DLGAP2: variants seen among roughly 807,000 people sequenced by gnomAD.
The protein encoded by DLGAP2 is DLG associated protein 2, also known as disks large-associated protein 2.
In DLGAP2, 26 loss-of-function variants were observed where a neutral mutation model predicts 100.3. The observed-to-expected ratio is 0.26, with a 90% CI of 0.19 to 0.36. The LOEUF is 0.36. DLGAP2 is among the 10% of genes least tolerant of loss of function. The probability of loss-of-function intolerance (pLI) is 1.00; values close to 1 mark genes in which losing one functional copy is unlikely to be tolerated. For synonymous variants in DLGAP2, 886 were observed against 630.1 expected, an observed-to-expected ratio of 1.41 and a Z score of -6.08; for missense variants, 1,858 against 1,453.2, an observed-to-expected ratio of 1.28 and a Z score of -4.53.
chr8:906,109 G>T (rs529288076), intron 1 of DLGAP2, among the ~76,000 whole-genome samples: 1 of 152,236 alleles, frequency 6.6e-6, no homozygotes, highest in Non-Finnish European at 1.5e-5. Flanking sequence ...TTACCTATGG[G>T]CAGCCCCTCC....
chr8:1,353,114 A>G (rs1427244732), intron 3 of DLGAP2, among the ~76,000 whole-genome samples: 2 of 152,176 alleles, frequency 1.3e-5, no homozygotes, highest in African/African-American at 4.8e-5. Context: ...GATCTGGAGG[A>G]GTTTGCAAAT....
intron 1 of DLGAP2, among the ~76,000 whole-genome samples, chr8:744,548 C>T (rs1820568011): frequency 6.7e-6 from 1 of 149,638 alleles, no homozygotes; most frequent in African/African-American, 2.5e-5. Flanking sequence ...CCTGCCTCTT[C>T]TCCGGCCACG....
At position 1,232,254 on chromosome 8, in the gene DLGAP2, G is replaced by T. The variant is rs377619179; in HGVS notation, c.74-26597G>T. Reference sequence around the variant, plus strand: ...CAGAAGCTGGCCCACAACGCAAAAGGACCCCGTGCTGAGGAGTGGGTTTTC... The same window carrying T: ...CAGAAGCTGGCCCACAACGCAAAAGTACCCCGTGCTGAGGAGTGGGTTTTC... On this transcript the variant is annotated intron_variant, in intron 2 of 14. Coordinates refer to ENST00000637795, the MANE Select transcript of DLGAP2 (RefSeq NM_001346810.2). 2.5e-4 allele frequency among the ~76,000 whole-genome samples: 38 copies of T among 152,338 alleles called. 1 individual carries two copies. The South Asian group carries it at 6.8e-3, about 27-fold the overall frequency.
intron 4 of DLGAP2, among the ~76,000 whole-genome samples, chr8:1,530,313 T>C (rs970098188): frequency 2.0e-5 from 3 of 152,174 alleles, no homozygotes; most frequent in Non-Finnish European, 2.9e-5. Context: ...AATTCAGCGA[T>C]ATTTCTCCCA....
intron 14 of DLGAP2, among the ~76,000 whole-genome samples, chr8:1,700,479 C>T (rs906765762): frequency 6.6e-6 from 1 of 151,998 alleles, no homozygotes; most frequent in Admixed American, 6.6e-5. Context: ...GGGACACAGA[C>T]CTTTTGTGGG....
rs560451412 is a variant in DLGAP2 at position 1,202,875 on chromosome 8, G to A, written c.74-55976G>A. On this transcript the variant is annotated intron_variant, in intron 2 of 14. Coordinates refer to ENST00000637795, the MANE Select transcript of DLGAP2 (RefSeq NM_001346810.2). ...GTCTTGTCTGAGCTGTTAATCAGCC[G>A]CTGCCCACCGACCAGCCACGCCTCT... Among the ~76,000 whole-genome samples the A allele has an allele frequency of 5.3e-5, 8 of 152,324 alleles. No individual in the cohort carries two copies. The South Asian group carries it at 6.2e-4, about 12-fold the overall frequency.
intron 2 of DLGAP2, among the ~76,000 whole-genome samples, chr8:1,148,772 A>G (rs1446150492): frequency 6.6e-6 from 1 of 152,210 alleles, no homozygotes; most frequent in Non-Finnish European, 1.5e-5. Flanking sequence ...CTGTAGTCAG[A>G]TAATATATTC....
chr8:1,173,493 C>G (rs1188001191), intron 2 of DLGAP2, among the ~76,000 whole-genome samples: 1 of 152,206 alleles, frequency 6.6e-6, no homozygotes, highest in Non-Finnish European at 1.5e-5. Context: ...GAGGTGTAGC[C>G]TACAGAGGCA....
At chr8:941,846 C>CT (rs932615598) in intron 2 of DLGAP2, among the ~76,000 whole-genome samples, 1 of 151,536 alleles carries the variant, frequency 6.6e-6, no homozygotes, top group Admixed American at 6.6e-5. Flanking sequence ...TCCTCCCTTT[C>CT]TTTTTTTCCT....
intron 2 of DLGAP2, among the ~76,000 whole-genome samples, chr8:1,130,025 G>A (rs751684397): frequency 1.5e-4 from 23 of 152,158 alleles, no homozygotes; most frequent in African/African-American, 4.6e-4. Flanking sequence ...TGTAGCTCAC[G>A]TCGGGCACTT....
At chr8:1,049,078 C>T (rs556616493) in intron 2 of DLGAP2, among the ~76,000 whole-genome samples, 4 of 152,184 alleles carry the variant, frequency 2.6e-5, no homozygotes, top group Non-Finnish European at 4.4e-5. Flanking sequence ...TCCCGTTTAG[C>T]CTGCATTCCT....
chr8:1,441,542 G>T (rs1797832311), intron 3 of DLGAP2, among the ~76,000 whole-genome samples: 1 of 151,946 alleles, frequency 6.6e-6, no homozygotes, highest in Non-Finnish European at 1.5e-5. Flanking sequence ...ACAAAAATTA[G>T]CCAGGCGTGT....
intron 3 of DLGAP2, among the ~76,000 whole-genome samples, chr8:1,495,354 C>T (rs910265033): frequency 6.6e-6 from 1 of 152,152 alleles, no homozygotes; most frequent in Non-Finnish European, 1.5e-5. Flanking sequence ...GAGAGGCAGC[C>T]GAGGACGTTT....
At chr8:746,133 C>A (rs139337438) in intron 1 of DLGAP2, among the ~76,000 whole-genome samples, 1 of 152,362 alleles carries the variant, frequency 6.6e-6, no homozygotes, top group East Asian at 1.9e-4. Flanking sequence ...TTCCTCCAAG[C>A]CTTCCCACAT....
chr8:1,339,406 C>T (rs1007835351), intron 3 of DLGAP2, among the ~76,000 whole-genome samples: 7 of 152,164 alleles, frequency 4.6e-5, no homozygotes, highest in Admixed American at 3.3e-4. Context: ...ATGCAGTGAC[C>T]TCAGTGAGGC....
At chr8:1,482,058 G>C (rs1799114731) in intron 3 of DLGAP2, among the ~76,000 whole-genome samples, 1 of 152,236 alleles carries the variant, frequency 6.6e-6, no homozygotes, top group South Asian at 2.1e-4. Context: ...AGCAGGGCTG[G>C]AAAATCACCA....
At chr8:1,646,543 A>G (rs1018720868) in intron 8 of DLGAP2, among the ~76,000 whole-genome samples, 3 of 152,224 alleles carry the variant, frequency 2.0e-5, no homozygotes, top group African/African-American at 7.2e-5. Flanking sequence ...CTGTATTTAA[A>G]ATGATCAGAG....
intron 3 of DLGAP2, among the ~76,000 whole-genome samples, chr8:1,268,287 C>T (rs1042664119): frequency 1.3e-5 from 2 of 152,104 alleles, no homozygotes; most frequent in African/African-American, 2.4e-5. Flanking sequence ...AGAAAATACT[C>T]CCTATTTTCT....
intron 6 of DLGAP2, among the ~76,000 whole-genome samples, chr8:1,604,205 C>T (rs1384874053): frequency 6.6e-6 from 1 of 152,180 alleles, no homozygotes; most frequent in East Asian, 1.9e-4. Context: ...TGCTAGGTAA[C>T]TGCGGGAGAA....
Sources: allele counts gnomAD v4.1 joint callset (sites outside exome capture counted in the v4.1 genomes callset), GRCh38; gene constraint gnomAD v4.1.1; transcripts MANE v1.5; gene names NCBI Gene and HGNC (gene_info 2026-07-23, HGNC 2026-07-21).